DPYD: variants seen among roughly 807,000 people sequenced by gnomAD.
DPYD encodes the protein dihydropyrimidine dehydrogenase [NADP(+)].
DPYD carries 109 observed loss-of-function variants against 116.2 expected under a neutral mutation model. That is an observed-to-expected ratio of 0.94 (90% CI 0.80 to 1.10). The LOEUF (loss-of-function observed/expected upper bound fraction) is 1.10. Among genes scored for constraint, DPYD ranks in the 50% least tolerant of loss-of-function variants. The probability of loss-of-function intolerance (pLI) is 0.00; values close to 1 mark genes in which losing one functional copy is unlikely to be tolerated. For missense variants in DPYD, 1,302 were observed against 1,254.5 expected (o/e 1.04, Z -0.57); for synonymous variants, 440 against 432.0 (o/e 1.02, Z -0.23).
At chr1:97,530,214 C>CTTTTTTT (rs57740723) in intron 12 of DPYD, among the ~76,000 whole-genome samples, 39 of 112,704 alleles carry the variant, frequency 3.5e-4, no homozygotes, top group East Asian at 7.7e-4. Context: ...CTTTTTTTTT[C>CTTTTTTT]TTTTTTTTTT....
intron 20 of DPYD, among the ~76,000 whole-genome samples, chr1:97,189,689 G>A (rs1658227018): frequency 6.6e-6 from 1 of 152,010 alleles, no homozygotes; most frequent in Non-Finnish European, 1.5e-5. Flanking sequence ...TTTCATTTTG[G>A]TAATCTTCAC....
intron 20 of DPYD, among the ~76,000 whole-genome samples, chr1:97,115,476 T>C (rs1254247602): frequency 1.3e-5 from 2 of 152,200 alleles, no homozygotes; most frequent in African/African-American, 4.8e-5. Flanking sequence ...AAGGTGCATG[T>C]AAAATGCTTC....
At chr1:97,590,270 A>C (rs1654417256) in intron 10 of DPYD, among the ~76,000 whole-genome samples, 1 of 152,158 alleles carries the variant, frequency 6.6e-6, no homozygotes, top group Non-Finnish European at 1.5e-5. Context: ...TTATTATTCC[A>C]TCTCTCCAAG....
intron 14 of DPYD, among the ~76,000 whole-genome samples, chr1:97,414,293 T>C (rs1557696036): frequency 6.6e-6 from 1 of 152,212 alleles, no homozygotes; most frequent in Non-Finnish European, 1.5e-5. Context: ...TCAGCCTTGG[T>C]TGAGTAGACA....
intron 19 of DPYD, among the ~76,000 whole-genome samples, chr1:97,211,166 G>A (rs999749409): frequency 1.3e-5 from 2 of 152,148 alleles, no homozygotes; most frequent in Non-Finnish European, 2.9e-5. Flanking sequence ...GTCCTGCCTC[G>A]TTGGCCTTCC....
At chr1:97,663,225 T>C (rs1433489169) in intron 8 of DPYD, among the ~76,000 whole-genome samples, 1 of 152,214 alleles carries the variant, frequency 6.6e-6, no homozygotes, top group Non-Finnish European at 1.5e-5. Context: ...TCCTGGATAT[T>C]TCCACCAGGT....
At chr1:97,176,607 T>A (rs1000345284) in intron 20 of DPYD, among the ~76,000 whole-genome samples, 2 of 152,190 alleles carry the variant, frequency 1.3e-5, no homozygotes, top group Admixed American at 1.3e-4. Flanking sequence ...AAAGTGCTTA[T>A]ATAATTGTCA....
chr1:97,577,446 C>T (rs1359533305), intron 10 of DPYD, among the ~76,000 whole-genome samples: 1 of 152,148 alleles, frequency 6.6e-6, no homozygotes, highest in East Asian at 1.9e-4. Context: ...TTTAAACCAA[C>T]CAGTTAAAAT....
intron 13 of DPYD, among the ~76,000 whole-genome samples, chr1:97,476,485 TA>T (rs1677968902): frequency 6.6e-6 from 1 of 152,182 alleles, no homozygotes; most frequent in Non-Finnish European, 1.5e-5. Context: ...TCCAATTTTA[TA>T]CTTATCAAGT....
intron 14 of DPYD, among the ~76,000 whole-genome samples, chr1:97,442,472 T>C (rs1010893962): frequency 2.0e-5 from 3 of 151,640 alleles, no homozygotes; most frequent in Non-Finnish European, 4.4e-5. Context: ...ATATTACATA[T>C]TCTGATTCAT....
chr1:97,830,723 G>A (rs1380931215), intron 2 of DPYD, among the ~76,000 whole-genome samples: 3 of 147,448 alleles, frequency 2.0e-5, no homozygotes, highest in South Asian at 4.3e-4. Context: ...AAAAAAAAAA[G>A]AGAGAGAGAG....
intron 8 of DPYD, among the ~76,000 whole-genome samples, chr1:97,600,600 A>C (rs1464145758): frequency 1.3e-5 from 2 of 152,134 alleles, no homozygotes; most frequent in Non-Finnish European, 2.9e-5. Flanking sequence ...AGCTATTATG[A>C]CCTTGGCCAA....
intron 8 of DPYD, among the ~76,000 whole-genome samples, chr1:97,626,786 G>T (rs1656957637): frequency 6.6e-6 from 1 of 152,052 alleles, no homozygotes; most frequent in Non-Finnish European, 1.5e-5. Context: ...CATATTACAT[G>T]CTAAGTATTT....
At chr1:97,219,853 C>T (rs1474459817) in intron 19 of DPYD, among the ~76,000 whole-genome samples, 1 of 152,158 alleles carries the variant, frequency 6.6e-6, no homozygotes, top group Non-Finnish European at 1.5e-5. Flanking sequence ...TTATCATGAC[C>T]TGAAGTACTC....
At chr1:97,566,072 C>T (rs1450399847) in intron 11 of DPYD, among the ~76,000 whole-genome samples, 2 of 152,100 alleles carry the variant, frequency 1.3e-5, no homozygotes, top group African/African-American at 4.8e-5. Flanking sequence ...ACCCCCGTTC[C>T]ACCTGGAAAC....
At chr1:97,546,630 G>A in intron 12 of DPYD, 1 of 1,612,688 alleles carries the variant, frequency 6.2e-7, no homozygotes, top group Non-Finnish European at 8.5e-7. Context: ...AACAAGAATG[G>A]TGGTGGCTTT....
intron 1 of DPYD, among the ~76,000 whole-genome samples, chr1:97,905,497 T>C (rs2101694380): frequency 6.6e-6 from 1 of 152,154 alleles, no homozygotes; most frequent in African/African-American, 2.4e-5. Flanking sequence ...CCAATTCCAG[T>C]CCGGTAATCC....
intron 3 of DPYD, among the ~76,000 whole-genome samples, chr1:97,772,848 A>T (rs2101168537): frequency 6.6e-6 from 1 of 152,286 alleles, no homozygotes; most frequent in East Asian, 1.9e-4. Context: ...AAAGAATAGA[A>T]ATATTTCTTC....
intron 20 of DPYD, among the ~76,000 whole-genome samples, chr1:97,154,447 A>C (rs778946227): frequency 6.6e-6 from 1 of 152,172 alleles, no homozygotes; most frequent in Non-Finnish European, 1.5e-5. Flanking sequence ...AGCTATGATG[A>C]TGCAAAGGAA....
Sources: gnomAD v4.1 joint callset for allele counts (sites outside exome capture counted in the v4.1 genomes callset) on GRCh38, gnomAD v4.1.1 for gene constraint, MANE v1.5 for transcripts, NCBI Gene and HGNC (gene_info 2026-07-23, HGNC 2026-07-21) for gene names.